Variants in CCSER1 observed in about 807,000 individuals in gnomAD.
CCSER1 encodes the protein coiled-coil serine rich protein 1, also known as serine-rich coiled-coil domain-containing protein 1.
A neutral mutation model predicts 82.0 loss-of-function variants in CCSER1; 41 were observed. That is an observed-to-expected ratio of 0.50 (90% CI 0.39 to 0.65). The LOEUF (loss-of-function observed/expected upper bound fraction) is 0.65, where lower values mean the gene tolerates loss of function less well. CCSER1 is among the 30% of genes least tolerant of loss of function. The pLI is 0.00. For synonymous variants in CCSER1, 414 were observed against 383.9 expected (o/e 1.08, Z -0.92); for missense variants, 1,119 against 1,064.2 (o/e 1.05, Z -0.72).
intron 10 of CCSER1, among the ~76,000 whole-genome samples, chr4:91,436,244 C>G (rs186799407): frequency 7.9e-5 from 12 of 152,164 alleles, no homozygotes; most frequent in Admixed American, 7.2e-4. Context: ...TATTTCAGTT[C>G]CTCAAAGTTT....
intron 10 of CCSER1, among the ~76,000 whole-genome samples, chr4:91,261,259 TC>T (rs987336862): frequency 9.2e-5 from 14 of 152,318 alleles, no homozygotes; most frequent in African/African-American, 3.4e-4. Flanking sequence ...CTTTCCATCA[TC>T]CCCAGTGGTG....
At chr4:91,132,484 C>T (rs1728082190) in intron 10 of CCSER1, among the ~76,000 whole-genome samples, 1 of 152,096 alleles carries the variant, frequency 6.6e-6, no homozygotes, top group East Asian at 1.9e-4. Context: ...TCACAATTGC[C>T]CTGCAATTAA....
At chr4:91,003,890 G>T (rs1306543691) in intron 9 of CCSER1, among the ~76,000 whole-genome samples, 6 of 152,180 alleles carry the variant, frequency 3.9e-5, no homozygotes, top group Non-Finnish European at 8.8e-5. Context: ...AAGCCCACAG[G>T]GCTTTTCCTG....
intron 10 of CCSER1, among the ~76,000 whole-genome samples, chr4:91,175,362 G>C (rs972214906): frequency 6.6e-6 from 1 of 152,004 alleles, no homozygotes; most frequent in African/African-American, 2.4e-5. Flanking sequence ...TGGCTCAAAT[G>C]GTATTTCTAG....
rs554172597 is a variant in CCSER1 at position 91,581,832 on chromosome 4, C to A, written c.2218-16740C>A. On this transcript the variant is annotated intron_variant, in intron 10 of 10. Transcript: ENST00000509176. ...TGCAGAGCAGAATTTCTGACTTCCA[C>A]CTCCTAAATACTAATAGTCCACCCC... Among the ~76,000 whole-genome samples, 3 of 151,394 alleles carry A rather than the reference C, an allele frequency of 2.0e-5. No individual in the cohort carries two copies. The South Asian group carries it at 6.2e-4, about 31-fold the overall frequency.
Position 90,253,899 on chromosome 4 carries a change from C to A in CCSER1, c.-41-54345C>A, listed in dbSNP as rs138540330. ...TATCATATCCATCTGTTAGCCTTCA[C>A]TAATTGCTAGCTGATTGCTCCATTG... On this transcript the variant is annotated intron_variant, in intron 1 of 10. Coordinates refer to ENST00000509176, the MANE Select transcript of CCSER1 (RefSeq NM_001145065.2). Among the ~76,000 whole-genome samples the A allele has an allele frequency of 4.5e-4, 69 of 152,284 alleles. 1 individual carries two copies. The highest frequency in any genetic ancestry group is 1.6e-3 in the African/African-American group (66 of 41,566).
chr4:90,366,257 C>G lies in CCSER1; in HGVS notation c.1510-33779C>G, dbSNP rs970314477. 6.0e-5 allele frequency among the ~76,000 whole-genome samples: 9 copies of G among 149,504 alleles called. No individual in the cohort carries two copies. In the East Asian group the frequency reaches 1.2e-3, roughly 19 times the overall value. ...GCAAATACTACTTTCTATTCAGGTT[C>G]ATTTATAACAGCTGAAGACAAAGAT... is the stretch of plus-strand genomic sequence containing the variant. On this transcript the variant is annotated intron_variant, in intron 3 of 10. Transcript: ENST00000509176.
intron 10 of CCSER1, among the ~76,000 whole-genome samples, chr4:91,395,428 C>A (rs1235925826): frequency 6.6e-6 from 1 of 151,996 alleles, no homozygotes; most frequent in Non-Finnish European, 1.5e-5. Flanking sequence ...TTTCCAAATG[C>A]GGCCTGATGG....
chr4:90,326,046 A>G (rs1009961066), intron 3 of CCSER1, among the ~76,000 whole-genome samples: 3 of 143,914 alleles, frequency 2.1e-5, no homozygotes, highest in East Asian at 2.0e-4. Flanking sequence ...CAATCTTCCT[A>G]TGTGATACCT....
chr4:90,683,340 A>G (rs1734229199), intron 6 of CCSER1, among the ~76,000 whole-genome samples: 1 of 152,208 alleles, frequency 6.6e-6, no homozygotes, highest in African/African-American at 2.4e-5. Flanking sequence ...GTCATTGTAA[A>G]TATCCTGTCT....
intron 10 of CCSER1, among the ~76,000 whole-genome samples, chr4:91,592,826 T>A (rs920694297): frequency 6.7e-6 from 1 of 148,578 alleles, no homozygotes; most frequent in African/African-American, 2.5e-5. Flanking sequence ...TAAAGCAATA[T>A]TTTTTTTTTG....
At chr4:90,249,351 A>T (rs1415272760) in intron 1 of CCSER1, among the ~76,000 whole-genome samples, 3 of 152,224 alleles carry the variant, frequency 2.0e-5, no homozygotes, top group Non-Finnish European at 4.4e-5. Context: ...GATGTAATTT[A>T]CATGTTAAAC....
chr4:90,564,689 T>G (rs928309551), intron 5 of CCSER1, among the ~76,000 whole-genome samples: 2 of 126,128 alleles, frequency 1.6e-5, no homozygotes, highest in East Asian at 2.5e-4. Flanking sequence ...TTCATTTTGT[T>G]TTTTTTTTTA....
chr4:90,813,320 CTG>C (rs1357964953), intron 7 of CCSER1, among the ~76,000 whole-genome samples: 1 of 152,212 alleles, frequency 6.6e-6, no homozygotes, highest in Non-Finnish European at 1.5e-5. Context: ...TCATTTGACT[CTG>C]TGTCTTACAT....
intron 10 of CCSER1, among the ~76,000 whole-genome samples, chr4:91,408,520 T>G (rs1194286850): frequency 6.6e-6 from 1 of 152,250 alleles, no homozygotes; most frequent in African/African-American, 2.4e-5. Context: ...TTTTTAATAC[T>G]GAATCCTCAG....
intron 10 of CCSER1, among the ~76,000 whole-genome samples, chr4:91,365,294 C>G (rs1919224): frequency 0.42 from 63,333 of 151,946 alleles, 13,770 homozygotes; most frequent in East Asian, 0.82. Flanking sequence ...TACTCATTTT[C>G]TTTTTAAGCA....
chr4:90,177,264 A>G (rs1732884018), intron 1 of CCSER1, among the ~76,000 whole-genome samples: 2 of 152,168 alleles, frequency 1.3e-5, no homozygotes, highest in African/African-American at 4.8e-5. Context: ...TATAAAGGGA[A>G]TGAAGTTGTG....
intron 9 of CCSER1, among the ~76,000 whole-genome samples, chr4:90,947,128 A>C (rs957611368): frequency 2.0e-5 from 3 of 152,220 alleles, no homozygotes; most frequent in Non-Finnish European, 4.4e-5. Context: ...ATAGCAAGTC[A>C]CATGATCACA....
At chr4:90,262,439 A>G (rs1404534587) in intron 1 of CCSER1, among the ~76,000 whole-genome samples, 3 of 152,118 alleles carry the variant, frequency 2.0e-5, no homozygotes, top group South Asian at 2.1e-4. Flanking sequence ...ACTGTCTCCT[A>G]TGGGGTTGGA....
Sources: allele counts gnomAD v4.1 joint callset (sites outside exome capture counted in the v4.1 genomes callset), GRCh38; gene constraint gnomAD v4.1.1; transcripts MANE v1.5; gene names NCBI Gene and HGNC (gene_info 2026-07-23, HGNC 2026-07-21).